Variants in HEMK2 observed in about 807,000 individuals in gnomAD.
HEMK2 encodes the protein HemK methyltransferase 2, ETF1 glutamine and histone H4 lysine, also known as methyltransferase HEMK2.
At chr21:28,883,006 A>G in the HEMK2 span, 1 of 1,605,536 alleles carries the variant, frequency 6.2e-7, no homozygotes. Flanking sequence ...CTGAGGGCCT[A>G]TCATAGAGGC....
At chr21:28,690,468 G>C in the HEMK2 span, among the ~76,000 whole-genome samples, 2 of 152,116 alleles carry the variant, frequency 1.3e-5, no homozygotes, top group Admixed American at 6.5e-5. Context: ...AAGCTCACCT[G>C]GACTTCTGAC....
the HEMK2 span, among the ~76,000 whole-genome samples, chr21:28,841,716 GTA>G: frequency 2.6e-5 from 4 of 151,502 alleles, no homozygotes; most frequent in South Asian, 8.3e-4. Flanking sequence ...ATGGTGCAGT[GTA>G]TACTGCTCAG....
chr21:28,815,921 T>C, the HEMK2 span, among the ~76,000 whole-genome samples: 1 of 152,274 alleles, frequency 6.6e-6, no homozygotes, highest in African/African-American at 2.4e-5. Flanking sequence ...CTCAAAAATG[T>C]GATTGTATTT....
chr21:28,713,896 C>T, the HEMK2 span, among the ~76,000 whole-genome samples: 2 of 152,222 alleles, frequency 1.3e-5, no homozygotes, highest in African/African-American at 4.8e-5. Flanking sequence ...TGTACATATG[C>T]ATTCTATGCA....
chr21:28,593,305 T>C, the HEMK2 span, among the ~76,000 whole-genome samples: 1 of 152,224 alleles, frequency 6.6e-6, no homozygotes, highest in Non-Finnish European at 1.5e-5. Flanking sequence ...CCAAGGTATC[T>C]CATTATGTGC....
At chr21:28,730,215 C>CA in the HEMK2 span, among the ~76,000 whole-genome samples, 74,515 of 150,238 alleles carry the variant, frequency 0.5, 20,971 homozygotes, top group East Asian at 0.78. Flanking sequence ...CCCATTGCCA[C>CA]AAAAAAAAAG....
the HEMK2 span, among the ~76,000 whole-genome samples, chr21:28,698,595 C>T: frequency 0.56 from 84,589 of 151,898 alleles, 26,205 homozygotes; most frequent in East Asian, 0.84. Context: ...GTAACTAATA[C>T]AGTAAAACCA....
At chr21:28,831,211 G>A in the HEMK2 span, among the ~76,000 whole-genome samples, 4 of 151,866 alleles carry the variant, frequency 2.6e-5, no homozygotes, top group South Asian at 2.1e-4. Context: ...TTGGGAGGCC[G>A]AGGTGGGTGG....
At chr21:28,754,662 T>C in the HEMK2 span, among the ~76,000 whole-genome samples, 1 of 152,220 alleles carries the variant, frequency 6.6e-6, no homozygotes, top group African/African-American at 2.4e-5. Context: ...AACAGAATTT[T>C]TTTTTGTAAA....
At chr21:28,588,808 C>T in the HEMK2 span, among the ~76,000 whole-genome samples, 2 of 151,828 alleles carry the variant, frequency 1.3e-5, no homozygotes, top group South Asian at 4.2e-4. Context: ...ACGCTGAAAC[C>T]CTGTCTCTAC....
At chr21:28,743,196 T>C in the HEMK2 span, 2 of 152,190 alleles carry the variant, frequency 1.3e-5, no homozygotes, top group Non-Finnish European at 2.9e-5. Flanking sequence ...TTGAAAAATC[T>C]AACAGGAGTG....
the HEMK2 span, among the ~76,000 whole-genome samples, chr21:28,636,344 T>C: frequency 6.6e-6 from 1 of 152,200 alleles, no homozygotes; most frequent in South Asian, 2.1e-4. Context: ...ACACGGGTTC[T>C]ATTTTGCCCT....
chr21:28,689,841 A>T, the HEMK2 span, among the ~76,000 whole-genome samples: 1 of 152,186 alleles, frequency 6.6e-6, no homozygotes, highest in Non-Finnish European at 1.5e-5. Flanking sequence ...TTCAAAACGA[A>T]AAAGGGACTC....
At chr21:28,676,630 G>A in the HEMK2 span, among the ~76,000 whole-genome samples, 10 of 152,300 alleles carry the variant, frequency 6.6e-5, no homozygotes, top group African/African-American at 1.7e-4. Flanking sequence ...ACAGAAGTTC[G>A]CGCCTTTGCA....
At chr21:28,615,073 G>A in the HEMK2 span, among the ~76,000 whole-genome samples, 2 of 152,198 alleles carry the variant, frequency 1.3e-5, no homozygotes, top group African/African-American at 4.8e-5. Flanking sequence ...AGATACAAGG[G>A]TGATATGGGT....
the HEMK2 span, among the ~76,000 whole-genome samples, chr21:28,798,471 C>G: frequency 2.6e-5 from 4 of 151,998 alleles, no homozygotes; most frequent in African/African-American, 9.7e-5. Context: ...TCATTCTGTG[C>G]TAGACACCAT....
chr21:28,844,470 C>T, the HEMK2 span, among the ~76,000 whole-genome samples: 1 of 152,088 alleles, frequency 6.6e-6, no homozygotes, highest in Non-Finnish European at 1.5e-5. Flanking sequence ...GTGGAAATCA[C>T]TACAGGTCAA....
At chr21:28,682,965 G>A in the HEMK2 span, among the ~76,000 whole-genome samples, 1 of 152,074 alleles carries the variant, frequency 6.6e-6, no homozygotes, top group Non-Finnish European at 1.5e-5. Flanking sequence ...GTTAATGGGT[G>A]CAGCACACCA....
chr21:28,840,250 A>G, the HEMK2 span, among the ~76,000 whole-genome samples: 1 of 152,218 alleles, frequency 6.6e-6, no homozygotes, highest in African/African-American at 2.4e-5. Flanking sequence ...AAGACCTGAA[A>G]CTATAAAAAT....
Sources: gnomAD v4.1 joint callset for allele counts (sites outside exome capture counted in the v4.1 genomes callset) on GRCh38, gnomAD v4.1.1 for gene constraint, MANE v1.5 for transcripts, NCBI Gene and HGNC (gene_info 2026-07-23, HGNC 2026-07-21) for gene names.